Variants in USH2A observed in about 807,000 individuals in gnomAD.
USH2A encodes the protein usherin, also known as Usher syndrome 2A (autosomal recessive, mild).
In USH2A, 443 loss-of-function variants were observed where a neutral mutation model predicts 538.9. That is an observed-to-expected ratio of 0.82 (90% confidence interval 0.76 to 0.89). USH2A has a LOEUF of 0.89. Among genes scored for constraint, USH2A ranks in the 40% least tolerant of loss-of-function variants. The pLI, the probability that USH2A is intolerant of heterozygous loss-of-function variation, is 0.00. For synonymous variants in USH2A, 2,413 were observed against 2,273.5 expected (o/e 1.06, Z -1.75); for missense variants, 6,633 against 6,324.8 (o/e 1.05, Z -1.65).
rs771830718 is a variant in USH2A, at chr1:216,232,035, C to T, written c.2911G>A (p.Val971Ile). The change falls in exon 14 of 72, where the codon GTT becomes ATT. Residue 971 changes from valine (V) to isoleucine (I), a missense_variant. By Grantham distance (29) the Val-to-Ile change is conservative. Coordinates refer to ENST00000307340, the MANE Select transcript of USH2A (RefSeq NM_206933.4). ...CCAGCAATGGAAGCATCTTGGCAAA[C>T]ACACTGACCAGTCAGGCTATTACAG... Reference protein sequence around the residue: ...HICNSLTGQCVCQDASIAGQR... With the variant: ...HICNSLTGQCICQDASIAGQR... The T allele has an allele frequency of 4.3e-6, 7 of 1,614,052 alleles. No homozygotes were observed. The South Asian group carries it at 6.6e-5, about 15-fold the overall frequency.
At chr1:215,738,138 G>A (rs1027640067) in intron 60 of USH2A, among the ~76,000 whole-genome samples, 1 of 152,050 alleles carries the variant, frequency 6.6e-6, no homozygotes, top group African/African-American at 2.4e-5. Flanking sequence ...AATTTAATGT[G>A]TTTGATGGAT....
At chr1:215,814,373 C>G (rs1310861844) in intron 48 of USH2A, among the ~76,000 whole-genome samples, 2 of 147,558 alleles carry the variant, frequency 1.4e-5, no homozygotes, top group Admixed American at 6.7e-5. Flanking sequence ...TTTAATAATG[C>G]CTTAAACAAA....
At chr1:216,322,865 T>A (rs958742908) in intron 8 of USH2A, among the ~76,000 whole-genome samples, 1 of 152,138 alleles carries the variant, frequency 6.6e-6, no homozygotes, top group African/African-American at 2.4e-5. Flanking sequence ...ACTCTATATG[T>A]ACATTTCTAT....
At chr1:216,146,070 G>T (rs550082585) in intron 21 of USH2A, among the ~76,000 whole-genome samples, 14 of 152,254 alleles carry the variant, frequency 9.2e-5, no homozygotes, top group Non-Finnish European at 1.3e-4. Flanking sequence ...GCTGTGACTC[G>T]GATCGGGGGA....
chr1:215,671,333 A>G, intron 63 of USH2A, 40 bp from the exon 64 acceptor site: 1 of 1,600,468 alleles, frequency 6.2e-7, no homozygotes, highest in South Asian at 1.1e-5. Context: ...TTTCAGCAAA[A>G]TAGATTTTCA....
At chr1:216,163,515 C>G (rs1379968115) in intron 21 of USH2A, among the ~76,000 whole-genome samples, 1 of 151,598 alleles carries the variant, frequency 6.6e-6, no homozygotes, top group Non-Finnish European at 1.5e-5. Flanking sequence ...GCCCTATTTT[C>G]TGGTATGCCT....
intron 4 of USH2A, among the ~76,000 whole-genome samples, chr1:216,358,064 T>C (rs2038421436): frequency 6.6e-6 from 1 of 152,170 alleles, no homozygotes; most frequent in African/African-American, 2.4e-5. Flanking sequence ...AAAGCATGCA[T>C]TTGGTCCATT....
chr1:215,929,493 A>G (rs1395388345), intron 38 of USH2A, among the ~76,000 whole-genome samples: 1 of 152,030 alleles, frequency 6.6e-6, no homozygotes, highest in Non-Finnish European at 1.5e-5. Context: ...AGGAAAGGAT[A>G]GGGATGTAGC....
chr1:216,355,385 A>AAGGAAGAAAGAAAGAAAGAAAGAAAG (rs2038375246), intron 4 of USH2A, among the ~76,000 whole-genome samples: 1 of 151,300 alleles, frequency 6.6e-6, no homozygotes, highest in African/African-American at 2.4e-5. Flanking sequence ...GAAGGAAAGA[A>AAGGAAGAAAGAAAGAAAGAAAGAAAG]ACATATAGTA....
chr1:215,650,346 G>A (rs954963432), intron 65 of USH2A, among the ~76,000 whole-genome samples: 1 of 152,010 alleles, frequency 6.6e-6, no homozygotes, highest in South Asian at 2.1e-4. Flanking sequence ...AGTTTCTTAC[G>A]TTTGTGGAGT....
intron 12 of USH2A, among the ~76,000 whole-genome samples, chr1:216,249,850 G>A (rs768442123): frequency 6.6e-6 from 1 of 152,016 alleles, no homozygotes; most frequent in African/African-American, 2.4e-5. Context: ...ATATGCATGT[G>A]TACATGTAAG....
chr1:215,767,067 T>C (rs1377552581), intron 55 of USH2A, among the ~76,000 whole-genome samples: 3 of 152,204 alleles, frequency 2.0e-5, no homozygotes, highest in East Asian at 3.8e-4. Flanking sequence ...CAAGATGTCA[T>C]TGAAAAGGCT....
At chr1:215,966,745 GTTTT>G (rs1156738689) in intron 36 of USH2A, among the ~76,000 whole-genome samples, 2 of 152,102 alleles carry the variant, frequency 1.3e-5, no homozygotes, top group African/African-American at 4.8e-5. Context: ...AATGTAATTT[GTTTT>G]ATTATGCCTA....
rs532042269 is a variant in USH2A, at chr1:215,702,095, T to C, written c.12067-21719A>G. Among the ~76,000 whole-genome samples, 10 of 152,328 alleles carry C rather than the reference T, an allele frequency of 6.6e-5. No individual in the cohort carries two copies. The South Asian group carries it at 2.1e-3, about 32-fold the overall frequency. ...ACTTTTGAAGCTTAGTTTGGCTGGATATGAAATTCTGGGTTGAAAATTCTT... is the reference window on the plus strand; with the variant it reads ...ACTTTTGAAGCTTAGTTTGGCTGGACATGAAATTCTGGGTTGAAAATTCTT... On this transcript the variant is annotated intron_variant, in intron 61 of 71. Coordinates refer to ENST00000307340, the MANE Select transcript of USH2A (RefSeq NM_206933.4).
At chr1:216,185,504 G>A (rs2034580943) in intron 20 of USH2A, among the ~76,000 whole-genome samples, 1 of 151,716 alleles carries the variant, frequency 6.6e-6, no homozygotes. Context: ...AATTTGTGGT[G>A]CTCTTTTTCA....
intron 47 of USH2A, among the ~76,000 whole-genome samples, chr1:215,820,188 A>G (rs530803216): frequency 6.6e-6 from 1 of 151,764 alleles, no homozygotes; most frequent in Non-Finnish European, 1.5e-5. Flanking sequence ...AGTAATAGGA[A>G]CTGAAATTTA....
intron 56 of USH2A, among the ~76,000 whole-genome samples, chr1:215,762,208 CCAAT>C (rs1558087035): frequency 6.6e-6 from 1 of 152,080 alleles, no homozygotes; most frequent in Admixed American, 6.6e-5. Flanking sequence ...GATGATTCAA[CCAAT>C]CAGAGTTTTG....
intron 3 of USH2A, among the ~76,000 whole-genome samples, chr1:216,397,038 C>G (rs2039224167): frequency 2.0e-5 from 3 of 152,162 alleles, no homozygotes; most frequent in African/African-American, 7.2e-5. Context: ...GAGAATTAAT[C>G]TTCCACTTGC....
chr1:215,893,195 G>T (rs1203187558), intron 40 of USH2A, among the ~76,000 whole-genome samples: 2 of 152,148 alleles, frequency 1.3e-5, no homozygotes, highest in Non-Finnish European at 2.9e-5. Flanking sequence ...AAGACAACAA[G>T]ATTAAATGAA....
Sources: gnomAD v4.1 joint callset for allele counts (sites outside exome capture counted in the v4.1 genomes callset) on GRCh38, gnomAD v4.1.1 for gene constraint, MANE v1.5 for transcripts, NCBI Gene and HGNC (gene_info 2026-07-23, HGNC 2026-07-21) for gene names.